The following DLGAP2 variants were observed in gnomAD, a reference collection of about 807,000 sequenced individuals.
DLGAP2 encodes DLG associated protein 2, also known as disks large-associated protein 2.
In DLGAP2, 26 loss-of-function variants were observed where a neutral mutation model predicts 100.3. The observed-to-expected ratio is 0.26, with a 90% CI of 0.19 to 0.36. The LOEUF (loss-of-function observed/expected upper bound fraction) is 0.36, where lower values mean the gene tolerates loss of function less well. Among genes scored for constraint, DLGAP2 ranks in the 10% least tolerant of loss-of-function variants. The pLI is 1.00. For missense variants in DLGAP2, 1,858 were observed against 1,453.2 expected (o/e 1.28, Z -4.53); for synonymous variants, 886 against 630.1 (o/e 1.41, Z -6.08).
At chr8:759,744 A>G (rs1244405765) in intron 1 of DLGAP2, among the ~76,000 whole-genome samples, 1 of 152,210 alleles carries the variant, frequency 6.6e-6, no homozygotes, top group Non-Finnish European at 1.5e-5. Context: ...CCCCTGATGT[A>G]TCTACTCTAG....
chr8:1,251,824 C>T (rs1243980938), intron 2 of DLGAP2, among the ~76,000 whole-genome samples: 2 of 152,212 alleles, frequency 1.3e-5, no homozygotes, highest in East Asian at 3.9e-4. Context: ...TGTTGCACGG[C>T]CATGTCCTGT....
At chr8:984,927 C>T (rs1427111206) in intron 2 of DLGAP2, among the ~76,000 whole-genome samples, 4 of 152,150 alleles carry the variant, frequency 2.6e-5, no homozygotes, top group Admixed American at 2.0e-4. Flanking sequence ...TAGCTAGGCT[C>T]CTAACCTCAC....
intron 3 of DLGAP2, among the ~76,000 whole-genome samples, chr8:1,360,061 C>G (rs1801944845): frequency 6.6e-6 from 1 of 152,150 alleles, no homozygotes; most frequent in Non-Finnish European, 1.5e-5. Context: ...CCTCTTCATC[C>G]CCGTCCACTG....
chr8:1,554,179 T>G (rs1050124980), intron 5 of DLGAP2, among the ~76,000 whole-genome samples: 1 of 152,098 alleles, frequency 6.6e-6, no homozygotes, highest in African/African-American at 2.4e-5. Context: ...CCCCAGCTAC[T>G]CAGGAGGCCA....
At chr8:1,010,321 A>G (rs1055308039) in intron 2 of DLGAP2, among the ~76,000 whole-genome samples, 2 of 152,034 alleles carry the variant, frequency 1.3e-5, no homozygotes, top group Admixed American at 6.6e-5. Context: ...ATACACACAT[A>G]CACACATGTG....
intron 2 of DLGAP2, among the ~76,000 whole-genome samples, chr8:1,091,780 G>A (rs992632729): frequency 6.6e-6 from 1 of 151,574 alleles, no homozygotes; most frequent in Non-Finnish European, 1.5e-5. Context: ...CATGGCCCCC[G>A]ACCCTCTCCC....
In DLGAP2 at chr8:1,366,586, C is replaced by T. The variant is rs547535282; in HGVS notation, c.106+107703C>T. Among the ~76,000 whole-genome samples the T allele has an allele frequency of 1.5e-3, 232 of 152,192 alleles. 1 individual carries two copies. The highest frequency in any genetic ancestry group is 2.6e-3 in the Non-Finnish European group (175 of 68,000). ...GGGGAGGGATGGGGCAGAGGCACCC[C>T]GGCAGAGCAGTGTACAGGGGCACAG... On this transcript the variant is annotated intron_variant, in intron 3 of 14. Coordinates refer to ENST00000637795, the MANE Select transcript of DLGAP2 (RefSeq NM_001346810.2).
At chr8:834,406 G>A (rs1796836261) in intron 1 of DLGAP2, among the ~76,000 whole-genome samples, 2 of 152,354 alleles carry the variant, frequency 1.3e-5, no homozygotes, top group South Asian at 4.1e-4. Flanking sequence ...TAGGCTCTGA[G>A]CAAATGCAGG....
intron 12 of DLGAP2, among the ~76,000 whole-genome samples, chr8:1,679,988 A>T (rs1459221598): frequency 6.7e-6 from 1 of 148,624 alleles, no homozygotes; most frequent in African/African-American, 2.6e-5. Flanking sequence ...TCAAAAAAAA[A>T]AAAAAAAAAA....
chr8:945,065 C>G (rs1297933100), intron 2 of DLGAP2, among the ~76,000 whole-genome samples: 1 of 152,246 alleles, frequency 6.6e-6, no homozygotes, highest in Non-Finnish European at 1.5e-5. Flanking sequence ...ACCCCAATTT[C>G]TGTTCTGTTC....
chr8:1,641,930 ACCCTCGAC>A lies in DLGAP2; in HGVS notation c.1810+8888_1810+8895del, dbSNP rs1563275356. Among the ~76,000 whole-genome samples, 61 of 103,864 alleles carry A rather than the reference ACCCTCGAC, an allele frequency of 5.9e-4. 3 individuals are homozygous for A. Among genetic ancestry groups the A allele is most frequent in the African/African-American group, 2.5e-3 (57 of 22,838 alleles). The allele number at this position is 103,864 out of a possible 152,430, so 68.1% of individuals were successfully genotyped here. ...GACCCCGCCGGCCCTCACCTGTGTCACCCTCGACCCCGCCGGTCCTCACCTGTGTCACC... is the reference window on the plus strand; with the variant it reads ...GACCCCGCCGGCCCTCACCTGTGTCACCCGCCGGTCCTCACCTGTGTCACC... On this transcript the variant is annotated intron_variant, in intron 8 of 14. Transcript: ENST00000637795.
At chr8:1,601,974 G>GTGTGTT (rs994080556) in intron 6 of DLGAP2, among the ~76,000 whole-genome samples, 1 of 151,838 alleles carries the variant, frequency 6.6e-6, no homozygotes, top group African/African-American at 2.4e-5. Flanking sequence ...GTGTGTGTGT[G>GTGTGTT]TGTGTGATCA....
At chr8:1,256,721 G>C (rs771174246) in intron 2 of DLGAP2, among the ~76,000 whole-genome samples, 1 of 152,196 alleles carries the variant, frequency 6.6e-6, no homozygotes, top group South Asian at 2.1e-4. Context: ...TCCCGAGTGA[G>C]ATGCCTTCTC....
intron 2 of DLGAP2, among the ~76,000 whole-genome samples, chr8:1,149,896 C>T (rs1318535375): frequency 6.6e-6 from 1 of 152,182 alleles, no homozygotes; most frequent in African/African-American, 2.4e-5. Flanking sequence ...TTATTATCAC[C>T]TTCCAGAAAA....
intron 1 of DLGAP2, among the ~76,000 whole-genome samples, chr8:803,158 CT>C (rs1317374030): frequency 6.6e-6 from 1 of 152,046 alleles, no homozygotes; most frequent in Non-Finnish European, 1.5e-5. Context: ...TGTGTCTAGA[CT>C]TTGGGCCTGG....
At chr8:1,424,065 A>T (rs905805473) in intron 3 of DLGAP2, among the ~76,000 whole-genome samples, 1 of 152,208 alleles carries the variant, frequency 6.6e-6, no homozygotes, top group Non-Finnish European at 1.5e-5. Context: ...CCTGTGTGAG[A>T]TACTCTCCCA....
chr8:1,587,969 G>C (rs1342012349), intron 6 of DLGAP2, among the ~76,000 whole-genome samples: 1 of 152,150 alleles, frequency 6.6e-6, no homozygotes, highest in African/African-American at 2.4e-5. Flanking sequence ...GAGTTTTCCT[G>C]TAACTGTGAC....
chr8:1,537,283 G>A (rs1563207392), intron 4 of DLGAP2, among the ~76,000 whole-genome samples: 1 of 152,198 alleles, frequency 6.6e-6, no homozygotes, highest in Non-Finnish European at 1.5e-5. Context: ...ATGCATGTGT[G>A]GTTACACATG....
chr8:1,126,810 A>G (rs1563205228), intron 2 of DLGAP2, among the ~76,000 whole-genome samples: 2 of 152,014 alleles, frequency 1.3e-5, no homozygotes, highest in East Asian at 3.9e-4. Flanking sequence ...GGAGACTCCC[A>G]CGGGCTCTGG....
Sources: gnomAD v4.1 joint callset for allele counts (sites outside exome capture counted in the v4.1 genomes callset) on GRCh38, gnomAD v4.1.1 for gene constraint, MANE v1.5 for transcripts, NCBI Gene and HGNC (gene_info 2026-07-23, HGNC 2026-07-21) for gene names.